The following CHCHD6 variants were observed in gnomAD, a reference collection of about 807,000 sequenced individuals.
CHCHD6 encodes the protein coiled-coil-helix-coiled-coil-helix domain containing 6.
A neutral mutation model predicts 32.3 loss-of-function variants in CHCHD6; 28 were observed. The observed-to-expected ratio is 0.87, with a 90% confidence interval of 0.64 to 1.19. The LOEUF (loss-of-function observed/expected upper bound fraction) is 1.19, where lower values mean the gene tolerates loss of function less well. Among genes scored for constraint, CHCHD6 ranks in the 50% most tolerant of loss-of-function variants. The pLI is 0.00. For synonymous variants in CHCHD6, 122 were observed against 117.5 expected, an observed-to-expected ratio of 1.04 and a Z score of -0.25; for missense variants, 333 against 307.0, an observed-to-expected ratio of 1.08 and a Z score of -0.63.
chr3:126,718,365 G>T (rs1935123359), intron 1 of CHCHD6, among the ~76,000 whole-genome samples: 1 of 152,168 alleles, frequency 6.6e-6, no homozygotes, highest in Non-Finnish European at 1.5e-5. Flanking sequence ...CAACTGCTTT[G>T]TGTAGATTGC....
chr3:126,851,712 T>C (rs1412850824), intron 4 of CHCHD6, among the ~76,000 whole-genome samples: 1 of 152,238 alleles, frequency 6.6e-6, no homozygotes, highest in Non-Finnish European at 1.5e-5. Flanking sequence ...GACATGAGTA[T>C]CCCAGTGACG....
intron 4 of CHCHD6, among the ~76,000 whole-genome samples, chr3:126,795,207 C>T (rs997812804): frequency 5.3e-5 from 8 of 152,148 alleles, no homozygotes; most frequent in African/African-American, 1.7e-4. Context: ...TAGAGACATG[C>T]AGACCTCAGT....
At position 126,944,759 on chromosome 3, in the gene CHCHD6, G is replaced by A. The variant is rs2078610773; in HGVS notation, c.567-12657G>A. On this transcript the variant is annotated intron_variant, in intron 6 of 7. Coordinates refer to ENST00000290913, the MANE Select transcript of CHCHD6 (RefSeq NM_032343.3). ...AGTTGTGGTTAGCAGACAGACATGG[G>A]GGCAGATTGGAGAAGGAGTCAAGAG... 2.0e-5 allele frequency among the ~76,000 whole-genome samples: 3 copies of A among 152,246 alleles called. No homozygotes were observed. The South Asian group carries it at 6.2e-4, about 31-fold the overall frequency.
At chr3:126,871,231 C>T (rs907603983) in intron 5 of CHCHD6, among the ~76,000 whole-genome samples, 4 of 152,258 alleles carry the variant, frequency 2.6e-5, no homozygotes, top group African/African-American at 9.6e-5. Context: ...TGGGCCTATC[C>T]CTTCTTGTTT....
intron 6 of CHCHD6, among the ~76,000 whole-genome samples, chr3:126,946,292 T>G (rs1355230080): frequency 6.6e-6 from 1 of 152,192 alleles, no homozygotes; most frequent in Admixed American, 6.5e-5. Flanking sequence ...TGACATCTAG[T>G]GAATGAGGGT....
intron 4 of CHCHD6, among the ~76,000 whole-genome samples, chr3:126,844,404 T>C (rs1203112274): frequency 1.3e-5 from 2 of 152,246 alleles, no homozygotes; most frequent in Non-Finnish European, 2.9e-5. Flanking sequence ...TATAAGTACC[T>C]ATACATTTAG....
intron 7 of CHCHD6, chr3:126,957,807 T>A (rs2078808163): frequency 1.8e-6 from 1 of 564,460 alleles, no homozygotes; most frequent in African/African-American, 1.9e-5. Context: ...TTAGGCTGGG[T>A]GGGAGCAGGC....
chr3:126,951,296 A>G (rs923755117), intron 6 of CHCHD6, among the ~76,000 whole-genome samples: 1 of 152,208 alleles, frequency 6.6e-6, no homozygotes, highest in African/African-American at 2.4e-5. Flanking sequence ...TTTCTTTATA[A>G]ATTACCCAGT....
Position 126,858,021 on chromosome 3 carries a change from C to T in CHCHD6, c.495+5291C>T, listed in dbSNP as rs149724653. On this transcript the variant is annotated intron_variant, in intron 5 of 7. Coordinates refer to ENST00000290913, the MANE Select transcript of CHCHD6 (RefSeq NM_032343.3). ...GTAGAATGTCCATGGTAGTGTCATT[C>T]ACGATAGCCCTGAAAATGAGGAGAG... 5.6e-4 allele frequency among the ~76,000 whole-genome samples: 86 copies of T among 152,304 alleles called. 1 individual carries two copies. The highest frequency in any genetic ancestry group is 2.0e-3 in the African/African-American group (85 of 41,558).
intron 2 of CHCHD6, 67 bp from the exon 3 acceptor site, chr3:126,730,494 G>T: frequency 5.3e-6 from 7 of 1,325,232 alleles, no homozygotes; most frequent in Non-Finnish European, 6.5e-6. Context: ...TCCTCTCTGG[G>T]TGACCTCTGT....
chr3:126,829,615 C>T (rs1221465910), intron 4 of CHCHD6, among the ~76,000 whole-genome samples: 1 of 151,782 alleles, frequency 6.6e-6, no homozygotes, highest in East Asian at 1.9e-4. Context: ...GAGGGTGGGG[C>T]CTCCATGGTA....
At chr3:126,779,261 G>A (rs2107680305) in intron 4 of CHCHD6, among the ~76,000 whole-genome samples, 3 of 152,070 alleles carry the variant, frequency 2.0e-5, no homozygotes, top group East Asian at 3.9e-4. Flanking sequence ...GTTTTAGGCC[G>A]GGTGCAGTGC....
chr3:126,773,641 G>C (rs1937584686), intron 4 of CHCHD6, among the ~76,000 whole-genome samples: 2 of 134,890 alleles, frequency 1.5e-5, no homozygotes, highest in Admixed American at 8.3e-5. Context: ...CAGAGCGTCA[G>C]AGTCGCCTAG....
intron 1 of CHCHD6, among the ~76,000 whole-genome samples, chr3:126,717,768 G>GGTGTGT (rs1553723716): frequency 2.1e-5 from 3 of 142,252 alleles, no homozygotes; most frequent in Admixed American, 7.2e-5. Flanking sequence ...AGTGCTGAGG[G>GGTGTGT]GTGTGTGTGT....
chr3:126,806,762 G>A (rs917379484), intron 4 of CHCHD6, among the ~76,000 whole-genome samples: 4 of 151,882 alleles, frequency 2.6e-5, no homozygotes, highest in African/African-American at 4.8e-5. Flanking sequence ...TGTTTATTGC[G>A]GCACTATTCC....
At chr3:126,947,791 T>C (rs1045830424) in intron 6 of CHCHD6, among the ~76,000 whole-genome samples, 9 of 152,138 alleles carry the variant, frequency 5.9e-5, no homozygotes, top group African/African-American at 2.2e-4. Flanking sequence ...TCATCCCAGA[T>C]CTCTCCCAGT....
chr3:126,954,187 C>T (rs1428170661), intron 6 of CHCHD6, among the ~76,000 whole-genome samples: 3 of 152,136 alleles, frequency 2.0e-5, no homozygotes, highest in Non-Finnish European at 2.9e-5. Flanking sequence ...TGTCATGGTC[C>T]CACGGGCGAT....
At chr3:126,885,597 T>C (rs529133423) in intron 5 of CHCHD6, among the ~76,000 whole-genome samples, 1 of 152,364 alleles carries the variant, frequency 6.6e-6, no homozygotes, top group South Asian at 2.1e-4. Flanking sequence ...AGATATGAGC[T>C]CTTTCAGAGA....
intron 4 of CHCHD6, among the ~76,000 whole-genome samples, chr3:126,761,975 T>C: frequency 6.6e-6 from 1 of 152,254 alleles, no homozygotes; most frequent in Non-Finnish European, 1.5e-5. Context: ...TTTTTATTTC[T>C]GTAGAGTCAT....
Sources: gnomAD v4.1 joint callset for allele counts (sites outside exome capture counted in the v4.1 genomes callset) on GRCh38, gnomAD v4.1.1 for gene constraint, MANE v1.5 for transcripts, NCBI Gene and HGNC (gene_info 2026-07-23, HGNC 2026-07-21) for gene names.